Variants in PCDHGB4 observed in about 807,000 individuals in gnomAD.
The protein encoded by PCDHGB4 is protocadherin gamma-B4.
In PCDHGB4, 38 loss-of-function variants were observed where a neutral mutation model predicts 60.5. The ratio of observed to expected loss-of-function variants is 0.63; its 90% CI spans 0.48 to 0.82. The LOEUF is 0.82. PCDHGB4 is among the 40% of genes least tolerant of loss of function. The probability of loss-of-function intolerance (pLI) is 0.00; values close to 1 mark genes in which losing one functional copy is unlikely to be tolerated. For missense variants in PCDHGB4, 1,109 were observed against 1,209.6 expected (o/e 0.92, Z 1.23); for synonymous variants, 456 against 509.7 (o/e 0.89, Z 1.42).
Position 141,413,696 on chromosome 5 carries a change from A to G in PCDHGB4, c.2397+23415A>G, listed in dbSNP as rs753150251. On this transcript the variant is annotated intron_variant, in intron 1 of 3. Coordinates refer to ENST00000519479, the MANE Select transcript of PCDHGB4 (RefSeq NM_003736.4). ...GTGGGCGTGAACTCCCTGCAGAGCTATCAGCTCAGCCCCAATAAGCACTTC... is the reference window on the plus strand; with the variant it reads ...GTGGGCGTGAACTCCCTGCAGAGCTGTCAGCTCAGCCCCAATAAGCACTTC... 3.1e-6 allele frequency: 5 copies of G among 1,613,522 alleles called. No homozygotes were observed. In the Admixed American group the frequency reaches 6.7e-5, roughly 22 times the overall value.
At chr5:141,499,127 A>G (rs1198571084) in intron 2 of PCDHGB4, among the ~76,000 whole-genome samples, 1 of 152,134 alleles carries the variant, frequency 6.6e-6, no homozygotes, top group Non-Finnish European at 1.5e-5. Flanking sequence ...TTCTCAGGTC[A>G]TCCTTTGGGT....
chr5:141,414,992 C>T, intron 1 of PCDHGB4: 2 of 1,613,770 alleles, frequency 1.2e-6, no homozygotes, highest in Non-Finnish European at 1.7e-6. Flanking sequence ...GGCCAGAACG[C>T]CTGGCTGTCC....
chr5:141,417,185 A>C (rs2096092787), intron 1 of PCDHGB4: 1 of 152,216 alleles, frequency 6.6e-6, no homozygotes, highest in Admixed American at 6.5e-5. Context: ...AGGAATTATT[A>C]CTTTCTGGGT....
intron 2 of PCDHGB4, among the ~76,000 whole-genome samples, chr5:141,503,081 C>G (rs1354848667): frequency 6.6e-6 from 1 of 151,960 alleles, no homozygotes; most frequent in Non-Finnish European, 1.5e-5. Flanking sequence ...TCTCGATCTC[C>G]TGACCTCGTG....
rs570379716 is a variant in PCDHGB4 at position 141,452,090 on chromosome 5, G to A, written c.2398-42717G>A. Among the ~76,000 whole-genome samples, 3 of 152,256 alleles carry A rather than the reference G, an allele frequency of 2.0e-5. No individual in the cohort carries two copies. The South Asian group carries it at 6.2e-4, about 32-fold the overall frequency. On this transcript the variant is annotated intron_variant, in intron 1 of 3. Coordinates refer to ENST00000519479, the MANE Select transcript of PCDHGB4 (RefSeq NM_003736.4). The stretch of plus-strand genomic sequence containing the variant: ...TTTATTAGTTGGCATTATACAGTAA[G>A]AAAGAGCTTTCTTTTCTCTTCTTAT...
intron 1 of PCDHGB4, chr5:141,405,100 G>A (rs764536213): frequency 1.2e-6 from 2 of 1,613,924 alleles, no homozygotes; most frequent in Non-Finnish European, 1.7e-6. Context: ...CCCTCAGGCT[G>A]AGGCACTGGC....
At chr5:141,410,821 C>A in intron 1 of PCDHGB4, 1 of 441,370 alleles carries the variant, frequency 2.3e-6, no homozygotes, top group Non-Finnish European at 3.8e-6. Context: ...AAAATAATGT[C>A]ACCAGACTGA....
At chr5:141,450,815 A>ATTAT (rs1554136868) in intron 1 of PCDHGB4, among the ~76,000 whole-genome samples, 98 of 126,742 alleles carry the variant, frequency 7.7e-4, no homozygotes, top group African/African-American at 3.1e-3. Flanking sequence ...TATTTATTTA[A>ATTAT]TATTATTATT....
At chr5:141,473,974 C>A (rs958240236) in intron 1 of PCDHGB4, among the ~76,000 whole-genome samples, 1 of 152,054 alleles carries the variant, frequency 6.6e-6, no homozygotes, top group Non-Finnish European at 1.5e-5. Flanking sequence ...AAGTCTGAGG[C>A]GGGAGGATCC....
intron 1 of PCDHGB4, chr5:141,478,753 G>A (rs2099475642): frequency 2.0e-6 from 3 of 1,519,424 alleles, no homozygotes; most frequent in Admixed American, 2.1e-5. Context: ...ATTTCAGGGG[G>A]AAGATACTTG....
intron 1 of PCDHGB4, among the ~76,000 whole-genome samples, chr5:141,447,221 C>A (rs1034853072): frequency 6.6e-6 from 1 of 152,026 alleles, no homozygotes; most frequent in Non-Finnish European, 1.5e-5. Context: ...CTCACTGCAA[C>A]CTCCGCCTCC....
chr5:141,400,302 T>C (rs7701363), intron 1 of PCDHGB4: 17,655 of 1,614,082 alleles, frequency 0.011, 144 homozygotes, highest in Admixed American at 0.034. Flanking sequence ...GCTTCCAACC[T>C]GGTCTCTGTG....
chr5:141,426,970 A>G (rs772659046), intron 1 of PCDHGB4: 1 of 456,742 alleles, frequency 2.2e-6, no homozygotes. Context: ...ATTCAAATTG[A>G]GGTCACTGAT....
chr5:141,503,777 G>A (rs2099830497), intron 2 of PCDHGB4, among the ~76,000 whole-genome samples: 1 of 152,074 alleles, frequency 6.6e-6, no homozygotes, highest in South Asian at 2.1e-4. Context: ...TCTGTTCTTA[G>A]GCTGAGTTCA....
At chr5:141,395,072 T>C in intron 1 of PCDHGB4, 1 of 1,614,148 alleles carries the variant, frequency 6.2e-7, no homozygotes, top group Non-Finnish European at 8.5e-7. Context: ...TGCAGACCTA[T>C]TCCCAGGAAG....
intron 1 of PCDHGB4, among the ~76,000 whole-genome samples, chr5:141,433,465 C>T (rs1386201581): frequency 6.6e-6 from 1 of 152,060 alleles, no homozygotes; most frequent in Non-Finnish European, 1.5e-5. Context: ...GAAACTTGGG[C>T]TCAGGCTAGC....
At chr5:141,419,137 C>T (rs764281503) in intron 1 of PCDHGB4, 1 of 1,613,892 alleles carries the variant, frequency 6.2e-7, no homozygotes, top group Non-Finnish European at 8.5e-7. Flanking sequence ...CAGCCACAGA[C>T]AGGGGCAAGC....
intron 1 of PCDHGB4, among the ~76,000 whole-genome samples, chr5:141,468,952 G>GT (rs34870721): frequency 0.24 from 35,946 of 151,248 alleles, 4,442 homozygotes; most frequent in Admixed American, 0.32. Flanking sequence ...TAAACCTGTG[G>GT]TTTTTTTTAC....
chr5:141,440,990 C>T (rs1195325115), intron 1 of PCDHGB4: 2 of 152,172 alleles, frequency 1.3e-5, no homozygotes, highest in African/African-American at 4.8e-5. Flanking sequence ...CCAGAGTACC[C>T]ATATCTAGTT....
Sources: allele counts gnomAD v4.1 joint callset (sites outside exome capture counted in the v4.1 genomes callset), GRCh38; gene constraint gnomAD v4.1.1; transcripts MANE v1.5; gene names NCBI Gene and HGNC (gene_info 2026-07-23, HGNC 2026-07-21).